Variants in PABPC4 observed in about 807,000 individuals in gnomAD.
The protein encoded by PABPC4 is polyadenylate-binding protein 4.
A neutral mutation model predicts 74.5 loss-of-function variants in PABPC4; 15 were observed. The observed-to-expected ratio is 0.20, with a 90% CI of 0.13 to 0.31. PABPC4 has a LOEUF of 0.31. PABPC4 is among the 10% of genes least tolerant of loss of function. The pLI, the probability that PABPC4 is intolerant of heterozygous loss-of-function variation, is 1.00. For synonymous variants in PABPC4, 345 were observed against 303.0 expected (o/e 1.14, Z -1.44); for missense variants, 610 against 853.5 (o/e 0.71, Z 3.55).
intron 1 of PABPC4, among the ~76,000 whole-genome samples, 178 bp downstream of exon 1, chr1:39,575,581 G>C (rs1032606411): frequency 7.2e-5 from 11 of 152,180 alleles, no homozygotes; most frequent in Non-Finnish European, 1.0e-4. Context: ...GTAGAAACAA[G>C]ATTGAAACTC....
chr1:39,562,039 G>A (rs779626325), intron 14 of PABPC4, 34 bp downstream of exon 14: 5 of 1,604,784 alleles, frequency 3.1e-6, no homozygotes, highest in Middle Eastern at 2.1e-4. Flanking sequence ...CCCAAGCTGA[G>A]AACTGAAGCT....
intron 8 of PABPC4, 27 bp from the exon 9 acceptor site, chr1:39,564,800 C>A (rs754711627): frequency 6.4e-7 from 1 of 1,560,710 alleles, no homozygotes; most frequent in South Asian, 1.1e-5. Context: ...TACCCAAACA[C>A]CCCCTTAAGG....
At chr1:39,566,003 C>G (rs1301649962) in intron 7 of PABPC4, among the ~76,000 whole-genome samples, 1 of 152,194 alleles carries the variant, frequency 6.6e-6, no homozygotes, top group Non-Finnish European at 1.5e-5. Flanking sequence ...GAGTCTAGGT[C>G]AGGGTTCTGG....
Position 39,576,698 on chromosome 1 carries a change from C to G in PABPC4, c.-747G>C, listed in dbSNP as rs1299231807. Reference sequence around the variant, plus strand: ...CTTTTTTTTTTTCAGGATTTTGAAGCGTTTTCAGATTTTTTTTATCTTTTT... The same window carrying G: ...CTTTTTTTTTTTCAGGATTTTGAAGGGTTTTCAGATTTTTTTTATCTTTTT... On this transcript the variant is annotated 5_prime_UTR_variant, in exon 1 of 16. Transcript: ENST00000372858. 6.7e-6 allele frequency: 1 copy of G among 149,086 alleles called. No homozygotes were observed. Among genetic ancestry groups the G allele is most frequent in the Admixed American group, 6.7e-5 (1 of 14,990 alleles). The allele number at this position is 149,086 out of a possible 1,614,324, so 9.2% of individuals were successfully genotyped here.
At chr1:39,567,952 G>C in intron 6 of PABPC4, 106 bp from the exon 7 acceptor site, 1 of 648,100 alleles carries the variant, frequency 1.5e-6, no homozygotes, top group Non-Finnish European at 2.7e-6. Context: ...GCATCTTTGG[G>C]AACTTGTTAG....
At chr1:39,561,602 T>C in intron 15 of PABPC4, 83 bp downstream of exon 15, 2 of 905,882 alleles carry the variant, frequency 2.2e-6, no homozygotes, top group Non-Finnish European at 3.6e-6. Context: ...AGTGAGCATA[T>C]ATACAACCTC....
chr1:39,564,418 C>T lies in PABPC4; in HGVS notation c.1453+5G>A, dbSNP rs1192504663. ...GGCCACACTTCTAAAGGCCAGTTTGCTCACCGACTCTCTGAGTGGTAGTAG... is the reference window on the plus strand; with the variant it reads ...GGCCACACTTCTAAAGGCCAGTTTGTTCACCGACTCTCTGAGTGGTAGTAG... On this transcript the variant is annotated splice_donor_5th_base_variant and intron_variant, in intron 10 of 15. Transcript: ENST00000372858. The T allele has an allele frequency of 1.2e-6, 2 of 1,613,120 alleles. No individual in the cohort carries two copies. Among genetic ancestry groups the T allele is most frequent in the Non-Finnish European group, 1.7e-6 (2 of 1,179,812 alleles).
Position 39,561,831 on chromosome 1 carries a change from T to G in PABPC4, c.1894-44A>C, listed in dbSNP as rs184912783. 2.7e-5 allele frequency: 41 copies of G among 1,531,814 alleles called. No homozygotes were observed. The Admixed American group carries it at 6.9e-4, about 26-fold the overall frequency. 94.9% of individuals were successfully genotyped at this position (1,531,814 alleles called of 1,614,324 possible). A position where few individuals can be genotyped will look rare whatever the true frequency, so the allele number is the denominator to read the frequency against. ...TGGTCAGTGAATCTAGGAGAGCTAC[T>G]CCACCCCTCCCCAGTGCCCAGACCT... is the stretch of plus-strand genomic sequence containing the variant. On this transcript the variant is annotated intron_variant, in intron 14 of 15. Transcript: ENST00000372858.
chr1:39,561,501 T>C (rs771209067), intron 15 of PABPC4, 184 bp downstream of exon 15: 6 of 591,812 alleles, frequency 1.0e-5, no homozygotes, highest in African/African-American at 1.9e-5. Flanking sequence ...CTCAAGCTCC[T>C]GCAGACAAAG....
chr1:39,562,493 T>C, intron 12 of PABPC4, 77 bp from the exon 13 acceptor site: 1 of 982,320 alleles, frequency 1.0e-6, no homozygotes, highest in Non-Finnish European at 1.6e-6. Flanking sequence ...CTGTTCAATA[T>C]CTGAACATCT....
At chr1:39,569,356 C>G (rs141814256) in intron 5 of PABPC4, 1 of 557,310 alleles carries the variant, frequency 1.8e-6, no homozygotes. Flanking sequence ...GCATAACAAA[C>G]GTCTGTCCTA....
At chr1:39,565,957 G>T (rs976198275) in intron 7 of PABPC4, among the ~76,000 whole-genome samples, 1 of 152,166 alleles carries the variant, frequency 6.6e-6, no homozygotes, top group Admixed American at 6.5e-5. Context: ...GAACTATTCA[G>T]AAGAACCAGA....
chr1:39,570,209 T>C (rs1645918559), intron 3 of PABPC4, among the ~76,000 whole-genome samples: 1 of 152,226 alleles, frequency 6.6e-6, no homozygotes, highest in Non-Finnish European at 1.5e-5. Context: ...CCAGGGCTCC[T>C]GGCTTAGACC....
intron 14 of PABPC4, 63 bp downstream of exon 14, chr1:39,562,010 C>A (rs2124437526): frequency 6.3e-7 from 1 of 1,578,350 alleles, no homozygotes. Context: ...CCTGGGCATC[C>A]AAGTTTGCCC....
At chr1:39,567,261 C>T (rs1468530878) in intron 7 of PABPC4, 6 of 381,358 alleles carry the variant, frequency 1.6e-5, no homozygotes, top group Non-Finnish European at 3.1e-5. Flanking sequence ...AAATGATGCA[C>T]ACTACGAAAC....
chr1:39,571,417 AT>A, intron 2 of PABPC4, 68 bp from the exon 3 acceptor site: 1 of 1,584,828 alleles, frequency 6.3e-7, no homozygotes, highest in South Asian at 1.1e-5. Flanking sequence ...ACCTCAGGGT[AT>A]CTTGTGCCTG....
chr1:39,572,088 A>C (rs1645950321), intron 2 of PABPC4, among the ~76,000 whole-genome samples: 1 of 152,210 alleles, frequency 6.6e-6, no homozygotes, highest in Non-Finnish European at 1.5e-5. Context: ...AAGTTTCCTC[A>C]AGACTAGAGA....
chr1:39,564,007 C>A (rs116239106), intron 10 of PABPC4, 85 bp from the exon 11 acceptor site: 1 of 1,271,944 alleles, frequency 7.9e-7, no homozygotes, highest in Admixed American at 1.8e-5. Context: ...TTTCAAAGCA[C>A]GTTTACGCAA....
Position 39,565,135 on chromosome 1 carries a change from C to T in PABPC4, c.1216G>A (p.Gly406Ser). The T allele has an allele frequency of 6.2e-7, 1 of 1,614,084 alleles. No homozygotes were observed. Among genetic ancestry groups the T allele is most frequent in the Non-Finnish European group, 8.5e-7 (1 of 1,180,040 alleles). The change falls in exon 8 of 16, where the codon GGT (glycine) becomes AGT (serine). Residue 406 changes from glycine to serine, a missense_variant. By Grantham distance (56) the Gly-to-Ser change is moderately conservative. Coordinates refer to ENST00000372858, the MANE Select transcript of PABPC4 (RefSeq NM_001135653.2). The part of the protein sequence containing the change: ...AILNQFQPAA[G>S]GYFVPAVPQA... ...GGGACTGCTGGCACAAAGTAGCCAC[C>T]CGCTGCAGGCTGGAACTGATTTAAG...
Sources: allele counts gnomAD v4.1 joint callset (sites outside exome capture counted in the v4.1 genomes callset), GRCh38; gene constraint gnomAD v4.1.1; transcripts MANE v1.5; gene names NCBI Gene and HGNC (gene_info 2026-07-23, HGNC 2026-07-21).